The following PDLIM5 variants were observed in gnomAD, a reference collection of about 807,000 sequenced individuals.
PDLIM5 encodes PDZ and LIM domain 5.
A neutral mutation model predicts 64.2 loss-of-function variants in PDLIM5; 34 were observed. That is an observed-to-expected ratio of 0.53 (90% CI 0.40 to 0.71). The LOEUF (loss-of-function observed/expected upper bound fraction) is 0.71, where lower values mean the gene tolerates loss of function less well. Ranked by LOEUF, PDLIM5 falls within the 30% of genes least tolerant of loss-of-function variation. The pLI is 0.00. For missense variants in PDLIM5, 683 were observed against 733.6 expected (o/e 0.93, Z 0.80); for synonymous variants, 253 against 269.1 (o/e 0.94, Z 0.59).
At chr4:94,618,226 G>A (rs571257736) in intron 8 of PDLIM5, 35 bp downstream of exon 8, 73 of 1,413,050 alleles carry the variant, frequency 5.2e-5, no homozygotes, top group African/African-American at 4.3e-4. Context: ...CTTGCTTTTC[G>A]TAATGAGTTT....
At chr4:94,482,288 A>C (rs947613685) in intron 2 of PDLIM5, among the ~76,000 whole-genome samples, 3 of 151,866 alleles carry the variant, frequency 2.0e-5, no homozygotes, top group Non-Finnish European at 4.4e-5. Context: ...CTTCTGCCTC[A>C]GTGCCCAAAA....
intron 3 of PDLIM5, among the ~76,000 whole-genome samples, chr4:94,541,544 G>C (rs1004410710): frequency 5.3e-5 from 8 of 152,232 alleles, no homozygotes; most frequent in Admixed American, 5.2e-4. Context: ...ACAGTTTTGT[G>C]GGGGCAGCCC....
At chr4:94,464,589 A>C (rs1255115354) in intron 2 of PDLIM5, among the ~76,000 whole-genome samples, 2 of 152,228 alleles carry the variant, frequency 1.3e-5, no homozygotes, top group Non-Finnish European at 2.9e-5. Context: ...TTGTCCCTTA[A>C]CTAGGACCCC....
chr4:94,620,029 T>C (rs2110401456), intron 8 of PDLIM5, among the ~76,000 whole-genome samples: 1 of 152,284 alleles, frequency 6.6e-6, no homozygotes. Flanking sequence ...CCTTTTATAC[T>C]TTGGCCCCTA....
At chr4:94,647,330 CA>C (rs981524798) in intron 9 of PDLIM5, among the ~76,000 whole-genome samples, 13 of 151,592 alleles carry the variant, frequency 8.6e-5, no homozygotes, top group African/African-American at 3.1e-4. Flanking sequence ...AAATAGTAAC[CA>C]AAAGAGAGTG....
chr4:94,456,047 A>T, intron 2 of PDLIM5: 1 of 1,300,688 alleles, frequency 7.7e-7, no homozygotes, highest in Non-Finnish European at 1.0e-6. Context: ...TAAAGCTTCT[A>T]TTTATTGAGA....
intron 3 of PDLIM5, among the ~76,000 whole-genome samples, chr4:94,537,431 A>G (rs141587614): frequency 6.6e-6 from 1 of 152,334 alleles, no homozygotes; most frequent in African/African-American, 2.4e-5. Context: ...TTAAAACAGA[A>G]AAGTATTTTT....
intron 3 of PDLIM5, among the ~76,000 whole-genome samples, chr4:94,525,504 G>A (rs1003528624): frequency 6.6e-6 from 1 of 152,044 alleles, no homozygotes; most frequent in Admixed American, 6.6e-5. Context: ...CCTTTTTCTT[G>A]GAGCCTCTCC....
At chr4:94,458,072 G>C (rs1423735950) in intron 2 of PDLIM5, among the ~76,000 whole-genome samples, 1 of 152,166 alleles carries the variant, frequency 6.6e-6, no homozygotes, top group Non-Finnish European at 1.5e-5. Flanking sequence ...TTAACCCCTT[G>C]TGTGGTTTAA....
intron 8 of PDLIM5, among the ~76,000 whole-genome samples, chr4:94,618,905 G>T (rs1053015209): frequency 1.3e-5 from 2 of 152,142 alleles, no homozygotes; most frequent in African/African-American, 2.4e-5. Context: ...CTTAAATGTT[G>T]CTAATCTCAG....
chr4:94,578,403 T>A (rs1032420451), intron 5 of PDLIM5, among the ~76,000 whole-genome samples: 6 of 152,226 alleles, frequency 3.9e-5, no homozygotes, highest in Non-Finnish European at 8.8e-5. Context: ...AAGAGATTAC[T>A]ACATATTTTG....
intron 3 of PDLIM5, among the ~76,000 whole-genome samples, chr4:94,566,384 A>G (rs1734320998): frequency 6.6e-6 from 1 of 152,074 alleles, no homozygotes; most frequent in African/African-American, 2.4e-5. Flanking sequence ...TTTTGTTGTT[A>G]CTGTTTTCCT....
intron 7 of PDLIM5, among the ~76,000 whole-genome samples, chr4:94,610,548 C>T (rs1410785933): frequency 1.3e-5 from 2 of 152,042 alleles, no homozygotes; most frequent in Admixed American, 6.6e-5. Flanking sequence ...TTCTCAGTTG[C>T]GTGAATTATT....
intron 2 of PDLIM5, among the ~76,000 whole-genome samples, chr4:94,506,032 TG>T (rs1331596875): frequency 1.3e-5 from 2 of 152,186 alleles, no homozygotes; most frequent in South Asian, 2.1e-4. Context: ...TGAAGCTACC[TG>T]GGGCCCCCAG....
intron 3 of PDLIM5, among the ~76,000 whole-genome samples, chr4:94,548,764 A>C (rs965339547): frequency 6.6e-6 from 1 of 152,082 alleles, no homozygotes; most frequent in Non-Finnish European, 1.5e-5. Flanking sequence ...TTCACAGATA[A>C]ATTGGTCTTT....
intron 2 of PDLIM5, chr4:94,455,722 A>G (rs1723280275): frequency 2.8e-6 from 4 of 1,435,724 alleles, no homozygotes; most frequent in Middle Eastern, 1.8e-4. Context: ...AGGTTGTGCT[A>G]TGGGATTTTA....
At chr4:94,556,533 G>A (rs1241390221) in intron 3 of PDLIM5, among the ~76,000 whole-genome samples, 2 of 152,174 alleles carry the variant, frequency 1.3e-5, no homozygotes, top group Non-Finnish European at 2.9e-5. Flanking sequence ...CAGTGTAAAA[G>A]TGTTCCTGTT....
intron 2 of PDLIM5, among the ~76,000 whole-genome samples, chr4:94,520,130 C>T (rs569755334): frequency 6.6e-6 from 1 of 152,258 alleles, no homozygotes; most frequent in African/African-American, 2.4e-5. Flanking sequence ...GCAGTTCCAA[C>T]ATGTACAGCC....
chr4:94,455,032 T>C (rs181886032), intron 1 of PDLIM5, among the ~76,000 whole-genome samples: 1 of 152,344 alleles, frequency 6.6e-6, no homozygotes, highest in Admixed American at 6.5e-5. Flanking sequence ...AGAAATGTAT[T>C]CTGATATGGA....
Sources: gnomAD v4.1 joint callset for allele counts (sites outside exome capture counted in the v4.1 genomes callset) on GRCh38, gnomAD v4.1.1 for gene constraint, MANE v1.5 for transcripts, NCBI Gene and HGNC (gene_info 2026-07-23, HGNC 2026-07-21) for gene names.